The following ZBTB7C variants were observed in gnomAD, a reference collection of about 807,000 sequenced individuals.
The protein encoded by ZBTB7C is zinc finger and BTB domain-containing protein 7C.
ZBTB7C carries 8 observed loss-of-function variants against 25.7 expected under a neutral mutation model. That is an observed-to-expected ratio of 0.31 (90% CI 0.18 to 0.56). The LOEUF (loss-of-function observed/expected upper bound fraction) is 0.56, where lower values mean the gene tolerates loss of function less well. Ranked by LOEUF, ZBTB7C falls within the 20% of genes least tolerant of loss-of-function variation. The pLI is 0.91. For synonymous variants in ZBTB7C, 394 were observed against 369.0 expected (o/e 1.07, Z -0.78); for missense variants, 824 against 855.2 (o/e 0.96, Z 0.46).
At chr18:48,164,087 G>A (rs1365191974) in intron 3 of ZBTB7C, among the ~76,000 whole-genome samples, 1 of 152,210 alleles carries the variant, frequency 6.6e-6, no homozygotes. Flanking sequence ...CCAACTCCAA[G>A]TACATAAAAC....
Position 48,395,375 on chromosome 18 carries a change from ATGTG to A in ZBTB7C, c.-304+13847_-304+13850del, listed in dbSNP as rs149447084. On this transcript the variant is annotated intron_variant, in intron 1 of 4. Coordinates refer to ENST00000590800, the MANE Select transcript of ZBTB7C (RefSeq NM_001318841.2). The stretch of plus-strand genomic sequence containing the variant: ...ATGTGTGCATGTATGTTCTATTCAA[ATGTG>A]TGTGTGTGTGTGTGTGTGTGTGTCA... Among the ~76,000 whole-genome samples, 785 of 82,744 alleles carry A rather than the reference ATGTG, an allele frequency of 9.5e-3. 24 individuals are homozygous for A. Among genetic ancestry groups the A allele is most frequent in the African/African-American group, 0.021 (400 of 19,246 alleles). The allele number at this position is 82,744 out of a possible 152,430, so 54.3% of individuals were successfully genotyped here.
intron 2 of ZBTB7C, among the ~76,000 whole-genome samples, chr18:48,217,202 A>G (rs960462301): frequency 3.9e-5 from 6 of 152,072 alleles, no homozygotes; most frequent in Non-Finnish European, 7.4e-5. Context: ...CACCCACTCA[A>G]CTCAGTATGT....
intron 3 of ZBTB7C, among the ~76,000 whole-genome samples, chr18:48,106,757 C>G (rs557064453): frequency 6.6e-6 from 1 of 151,588 alleles, no homozygotes; most frequent in Non-Finnish European, 1.5e-5. Context: ...TGGCTCAATT[C>G]AGAGAGAACC....
intron 1 of ZBTB7C, among the ~76,000 whole-genome samples, chr18:48,371,837 C>A (rs1036404775): frequency 2.0e-5 from 3 of 152,180 alleles, no homozygotes; most frequent in Non-Finnish European, 4.4e-5. Context: ...GGCCATTAAT[C>A]ACCACTGTTT....
At chr18:48,309,815 C>T (rs958157757) in intron 2 of ZBTB7C, among the ~76,000 whole-genome samples, 3 of 152,230 alleles carry the variant, frequency 2.0e-5, no homozygotes, top group African/African-American at 7.2e-5. Flanking sequence ...ACCAAATACT[C>T]TAGTTGGTCA....
At chr18:48,297,628 C>T (rs1225797942) in intron 2 of ZBTB7C, among the ~76,000 whole-genome samples, 4 of 152,198 alleles carry the variant, frequency 2.6e-5, no homozygotes, top group African/African-American at 7.2e-5. Flanking sequence ...GGCTTGGCAG[C>T]GCTGCAGTGC....
intron 2 of ZBTB7C, among the ~76,000 whole-genome samples, chr18:48,216,747 G>C (rs537773230): frequency 9.2e-5 from 14 of 152,202 alleles, no homozygotes; most frequent in African/African-American, 3.4e-4. Context: ...AGTGCCTGTG[G>C]ATCCATCCCT....
At chr18:48,170,495 G>T (rs74476948) in intron 3 of ZBTB7C, among the ~76,000 whole-genome samples, 2,745 of 152,284 alleles carry the variant, frequency 0.018, 80 homozygotes, top group African/African-American at 0.064. Flanking sequence ...CACAAAGAAA[G>T]TTCCCACCCA....
At chr18:48,127,570 C>A (rs978064991) in intron 3 of ZBTB7C, among the ~76,000 whole-genome samples, 3 of 152,220 alleles carry the variant, frequency 2.0e-5, no homozygotes, top group Non-Finnish European at 4.4e-5. Context: ...CCTTCGATGG[C>A]CCCCACTGGT....
chr18:48,257,918 C>T (rs2044065681), intron 2 of ZBTB7C, among the ~76,000 whole-genome samples: 1 of 152,108 alleles, frequency 6.6e-6, no homozygotes, highest in African/African-American at 2.4e-5. Context: ...CCTATAATCC[C>T]ACCCACTTAA....
At chr18:48,201,948 C>G (rs2042459684) in intron 2 of ZBTB7C, among the ~76,000 whole-genome samples, 1 of 152,210 alleles carries the variant, frequency 6.6e-6, no homozygotes, top group Non-Finnish European at 1.5e-5. Context: ...GCACGAAGCT[C>G]CCTTCCACCC....
intron 2 of ZBTB7C, among the ~76,000 whole-genome samples, chr18:48,333,341 C>T (rs537533319): frequency 6.6e-6 from 1 of 152,294 alleles, no homozygotes; most frequent in Admixed American, 6.5e-5. Flanking sequence ...CTGCCAGACT[C>T]GGTGAGGAAA....
At chr18:48,368,625 C>G (rs1321695344) in intron 1 of ZBTB7C, among the ~76,000 whole-genome samples, 1 of 152,006 alleles carries the variant, frequency 6.6e-6, no homozygotes, top group Non-Finnish European at 1.5e-5. Context: ...TAAAGAAATC[C>G]CATGCCAAGA....
At chr18:48,362,169 TG>T (rs2047121564) in intron 1 of ZBTB7C, among the ~76,000 whole-genome samples, 1 of 152,198 alleles carries the variant, frequency 6.6e-6, no homozygotes, top group South Asian at 2.1e-4. Flanking sequence ...GCAGAGCCCC[TG>T]GGACAGAGCT....
At chr18:48,290,547 G>T (rs1256885587) in intron 2 of ZBTB7C, among the ~76,000 whole-genome samples, 1 of 152,230 alleles carries the variant, frequency 6.6e-6, no homozygotes, top group Non-Finnish European at 1.5e-5. Flanking sequence ...AAGCAGAACT[G>T]CTCCCCTGTG....
chr18:48,244,222 T>C (rs2043612981), intron 2 of ZBTB7C, among the ~76,000 whole-genome samples: 1 of 152,186 alleles, frequency 6.6e-6, no homozygotes, highest in Non-Finnish European at 1.5e-5. Flanking sequence ...GAGACCACTC[T>C]GGCTAACATG....
At chr18:48,104,492 T>C (rs2038956896) in intron 3 of ZBTB7C, among the ~76,000 whole-genome samples, 1 of 152,182 alleles carries the variant, frequency 6.6e-6, no homozygotes, top group Admixed American at 6.5e-5. Flanking sequence ...TATTCCTTTA[T>C]AGCAATGCAA....
chr18:48,275,246 A>G (rs191360882), intron 2 of ZBTB7C, among the ~76,000 whole-genome samples: 2 of 152,336 alleles, frequency 1.3e-5, no homozygotes, highest in African/African-American at 4.8e-5. Flanking sequence ...GACTGGCCCC[A>G]GATTCTTCCT....
At chr18:48,301,433 C>T (rs2045541585) in intron 2 of ZBTB7C, among the ~76,000 whole-genome samples, 2 of 152,152 alleles carry the variant, frequency 1.3e-5, no homozygotes, top group African/African-American at 4.8e-5. Flanking sequence ...GAGCCAAGAT[C>T]GCACCACTAC....
Sources: gnomAD v4.1 joint callset for allele counts (sites outside exome capture counted in the v4.1 genomes callset) on GRCh38, gnomAD v4.1.1 for gene constraint, MANE v1.5 for transcripts, NCBI Gene and HGNC (gene_info 2026-07-23, HGNC 2026-07-21) for gene names.